Variants in UGGT2 observed in about 807,000 individuals in gnomAD.
UGGT2 encodes UDP-glucose:glycoprotein glucosyltransferase 2.
Under a neutral mutation model 192.1 loss-of-function variants are expected in UGGT2, and 180 were observed. The ratio of observed to expected loss-of-function variants is 0.94; its 90% CI spans 0.83 to 1.06. The LOEUF (loss-of-function observed/expected upper bound fraction) is 1.06, where lower values mean the gene tolerates loss of function less well. Ranked by LOEUF, UGGT2 falls within the 50% of genes least tolerant of loss-of-function variation. UGGT2 has a pLI of 0.00. For synonymous variants in UGGT2, 580 were observed against 591.0 expected (o/e 0.98, Z 0.27); for missense variants, 1,849 against 1,795.7 (o/e 1.03, Z -0.54).
chr13:96,004,688 C>T (rs2051916641), intron 5 of UGGT2, among the ~76,000 whole-genome samples: 1 of 135,564 alleles, frequency 7.4e-6, no homozygotes, highest in African/African-American at 2.8e-5. Context: ...CCCCTCCCCC[C>T]AAAGTATAAT....
At chr13:95,909,639 T>C (rs989777862) in intron 20 of UGGT2, among the ~76,000 whole-genome samples, 8 of 143,338 alleles carry the variant, frequency 5.6e-5, no homozygotes, top group African/African-American at 2.1e-4. Context: ...CATCGGGAGA[T>C]ATACCTAATG....
chr13:95,906,887 C>T (rs1219901678), intron 20 of UGGT2, among the ~76,000 whole-genome samples: 4 of 152,196 alleles, frequency 2.6e-5, no homozygotes, highest in Non-Finnish European at 5.9e-5. Context: ...GTGATTCCTG[C>T]ATTTCCAGCT....
At chr13:96,053,024 C>T in intron 1 of UGGT2, 131 bp downstream of exon 1, 2 of 1,275,262 alleles carry the variant, frequency 1.6e-6, no homozygotes, top group Non-Finnish European at 2.0e-6. Context: ...GGTGGTGATG[C>T]TCAGGGCCAG....
At chr13:95,927,654 TTTG>T (rs1293614327) in intron 17 of UGGT2, among the ~76,000 whole-genome samples, 5 of 152,082 alleles carry the variant, frequency 3.3e-5, no homozygotes, top group Non-Finnish European at 7.4e-5. Flanking sequence ...TGTTTGCTTT[TTTG>T]TTGTTTTTTT....
At chr13:96,049,457 C>T (rs1405400402) in intron 1 of UGGT2, among the ~76,000 whole-genome samples, 2 of 152,088 alleles carry the variant, frequency 1.3e-5, no homozygotes, top group South Asian at 2.1e-4. Context: ...CTATTCAACA[C>T]AGTGTTGGAA....
intron 6 of UGGT2, among the ~76,000 whole-genome samples, chr13:95,998,583 A>C (rs959133333): frequency 1.1e-4 from 16 of 152,014 alleles, no homozygotes; most frequent in Non-Finnish European, 1.0e-4. Flanking sequence ...GGCATAAATA[A>C]ATTTGACATG....
chr13:95,805,576 A>G (rs1408908937), intron 38 of UGGT2, among the ~76,000 whole-genome samples: 2 of 152,216 alleles, frequency 1.3e-5, no homozygotes, highest in African/African-American at 2.4e-5. Context: ...ATATATATAT[A>G]CAATGGGATT....
At chr13:95,829,840 G>A (rs991412575) in intron 38 of UGGT2, among the ~76,000 whole-genome samples, 3 of 152,158 alleles carry the variant, frequency 2.0e-5, no homozygotes, top group African/African-American at 7.2e-5. Context: ...TAAGCCAAAT[G>A]AACAAAGCTG....
chr13:96,000,691 T>C (rs1202465568), intron 5 of UGGT2, among the ~76,000 whole-genome samples: 1 of 152,220 alleles, frequency 6.6e-6, no homozygotes, highest in Non-Finnish European at 1.5e-5. Context: ...CAATTTCACA[T>C]AGCCAATTTC....
At chr13:95,904,775 T>C (rs1008073548) in intron 20 of UGGT2, among the ~76,000 whole-genome samples, 2 of 152,150 alleles carry the variant, frequency 1.3e-5, no homozygotes, top group African/African-American at 2.4e-5. Flanking sequence ...TGTGTCTTTA[T>C]AGCACCATGA....
intron 28 of UGGT2, 89 bp from the exon 29 acceptor site, chr13:95,877,453 TTTA>T: frequency 8.9e-7 from 1 of 1,120,242 alleles, no homozygotes; most frequent in South Asian, 1.7e-5. Flanking sequence ...TAAGAAAGTA[TTTA>T]TTAACTGTAG....
intron 22 of UGGT2, among the ~76,000 whole-genome samples, chr13:95,896,685 A>G (rs1214040191): frequency 1.3e-5 from 2 of 152,160 alleles, no homozygotes; most frequent in Admixed American, 6.5e-5. Flanking sequence ...CATTAAGCAC[A>G]GCATCAAACA....
At position 95,945,226 on chromosome 13, in the gene UGGT2, T is replaced by G. The variant is rs190480053; in HGVS notation, c.1677+1811A>C. 1.7e-3 allele frequency among the ~76,000 whole-genome samples: 254 copies of G among 152,182 alleles called. 1 individual carries two copies. The highest frequency in any genetic ancestry group is 2.2e-3 in the Non-Finnish European group (147 of 67,924). On this transcript the variant is annotated intron_variant, in intron 15 of 38. Transcript: ENST00000376747. ...TATTATTATTTTGGTCTTATATTCTTCTCTCTTTATAGTGCTAAATAGCTT... is the reference window on the plus strand; with the variant it reads ...TATTATTATTTTGGTCTTATATTCTGCTCTCTTTATAGTGCTAAATAGCTT...
At position 95,834,697 on chromosome 13, in the gene UGGT2, T is replaced by C. The variant is rs1421177281; in HGVS notation, c.4402-1644A>G. 2.6e-5 allele frequency among the ~76,000 whole-genome samples: 4 copies of C among 152,128 alleles called. No individual in the cohort carries two copies. In the East Asian group the frequency reaches 7.7e-4, roughly 29 times the overall value. On this transcript the variant is annotated intron_variant, in intron 37 of 38. Coordinates refer to ENST00000376747, the MANE Select transcript of UGGT2 (RefSeq NM_020121.4). ...TGAACACCAAAATTTGTGCCACTTCTCCTTTTCCTGGGTATTGGTATTGCT... is the reference window on the plus strand; with the variant it reads ...TGAACACCAAAATTTGTGCCACTTCCCCTTTTCCTGGGTATTGGTATTGCT...
intron 26 of UGGT2, among the ~76,000 whole-genome samples, chr13:95,887,657 A>G (rs2047682434): frequency 6.6e-6 from 1 of 152,202 alleles, no homozygotes; most frequent in Non-Finnish European, 1.5e-5. Context: ...CTATGAATAA[A>G]TATAAATCCA....
intron 27 of UGGT2, among the ~76,000 whole-genome samples, chr13:95,883,053 A>C (rs2047538834): frequency 6.6e-6 from 1 of 152,052 alleles, no homozygotes. Flanking sequence ...AATTTGAAGG[A>C]CTGATATTAG....
chr13:95,853,916 C>A (rs1419117272), intron 35 of UGGT2, among the ~76,000 whole-genome samples: 1 of 152,084 alleles, frequency 6.6e-6, no homozygotes, highest in Non-Finnish European at 1.5e-5. Flanking sequence ...CATGGCCTTA[C>A]AAAAGGCCAT....
chr13:95,924,393 C>CTTTTTTTTTTTTTTTG (rs2048949039), intron 20 of UGGT2, among the ~76,000 whole-genome samples: 1 of 63,320 alleles, frequency 1.6e-5, no homozygotes, highest in Non-Finnish European at 3.2e-5. Context: ...TCCCAAACAG[C>CTTTTTTTTTTTTTTTG]TTTTTTTTTT....
At chr13:95,940,301 CAA>C (rs2049625128) in intron 15 of UGGT2, among the ~76,000 whole-genome samples, 1 of 151,646 alleles carries the variant, frequency 6.6e-6, no homozygotes, top group South Asian at 2.1e-4. Flanking sequence ...AATATCATAA[CAA>C]ATTTATGTTT....
Sources: allele counts gnomAD v4.1 joint callset (sites outside exome capture counted in the v4.1 genomes callset), GRCh38; gene constraint gnomAD v4.1.1; transcripts MANE v1.5; gene names NCBI Gene and HGNC (gene_info 2026-07-23, HGNC 2026-07-21).